TENM3: variants seen among roughly 807,000 people sequenced by gnomAD.
TENM3 encodes teneurin transmembrane protein 3, also known as teneurin-3.
TENM3 carries 63 observed loss-of-function variants against 255.1 expected under a neutral mutation model. The observed-to-expected ratio is 0.25, with a 90% confidence interval of 0.20 to 0.30. The LOEUF (loss-of-function observed/expected upper bound fraction) is 0.30, where lower values mean the gene tolerates loss of function less well. Ranked by LOEUF, TENM3 falls within the 10% of genes least tolerant of loss-of-function variation. The probability of loss-of-function intolerance (pLI) is 1.00; values close to 1 mark genes in which losing one functional copy is unlikely to be tolerated. For synonymous variants in TENM3, 1,306 were observed against 1,322.3 expected, an observed-to-expected ratio of 0.99 and a Z score of 0.27; for missense variants, 2,929 against 3,461.1, an observed-to-expected ratio of 0.85 and a Z score of 3.86.
intron 1 of TENM3, among the ~76,000 whole-genome samples, chr4:182,176,880 G>C (rs1752527327): frequency 7.8e-6 from 1 of 128,770 alleles, no homozygotes; most frequent in South Asian, 2.5e-4. Flanking sequence ...TCACCATGTT[G>C]GCCAGGCTGG....
chr4:182,781,451 C>T (rs1281170408), intron 24 of TENM3, among the ~76,000 whole-genome samples: 37 of 150,112 alleles, frequency 2.5e-4, no homozygotes, highest in Admixed American at 2.7e-4. Context: ...CTGCTGGATT[C>T]GGTTTGCCAG....
chr4:181,460,573 C>T, the TENM3 span, among the ~76,000 whole-genome samples: 7 of 143,890 alleles, frequency 4.9e-5, no homozygotes, highest in African/African-American at 1.8e-4. Flanking sequence ...GCCATTTGCC[C>T]AGATATTTTT....
the TENM3 span, among the ~76,000 whole-genome samples, chr4:181,486,027 A>AC: frequency 6.6e-6 from 1 of 151,840 alleles, no homozygotes; most frequent in African/African-American, 2.4e-5. Context: ...GAAAAAAAAA[A>AC]CCTGCAATAT....
the TENM3 span, among the ~76,000 whole-genome samples, chr4:181,566,555 T>C: frequency 2.6e-5 from 4 of 152,130 alleles, no homozygotes; most frequent in African/African-American, 9.7e-5. Flanking sequence ...CAGAGGGGCA[T>C]CAAAGTGCTG....
the TENM3 span, among the ~76,000 whole-genome samples, chr4:181,934,159 C>T: frequency 6.6e-6 from 1 of 151,806 alleles, no homozygotes; most frequent in South Asian, 2.1e-4. Context: ...GTTTAATGGA[C>T]CTGATAGAGG....
At chr4:182,181,878 T>C (rs1752859949) in intron 1 of TENM3, among the ~76,000 whole-genome samples, 1 of 151,298 alleles carries the variant, frequency 6.6e-6, no homozygotes, top group Admixed American at 6.7e-5. Context: ...CCACTGTTTC[T>C]GGCTAATGTC....
chr4:181,991,188 A>T, the TENM3 span, among the ~76,000 whole-genome samples: 5 of 152,312 alleles, frequency 3.3e-5, no homozygotes, highest in African/African-American at 1.2e-4. Flanking sequence ...ACTTAGGAAG[A>T]AAAAATGCTC....
At chr4:181,613,330 CT>C in the TENM3 span, among the ~76,000 whole-genome samples, 4 of 152,336 alleles carry the variant, frequency 2.6e-5, no homozygotes, top group African/African-American at 9.6e-5. Flanking sequence ...TAAACCCACA[CT>C]AGCAAAGCCC....
chr4:181,744,364 A>G, the TENM3 span, among the ~76,000 whole-genome samples: 2 of 152,316 alleles, frequency 1.3e-5, no homozygotes, highest in Non-Finnish European at 2.9e-5. Flanking sequence ...TTGCTTGGTC[A>G]AATTATATCT....
At chr4:182,786,929 C>T (rs1480187783) in intron 24 of TENM3, among the ~76,000 whole-genome samples, 1 of 152,158 alleles carries the variant, frequency 6.6e-6, no homozygotes, top group Non-Finnish European at 1.5e-5. Flanking sequence ...CTAAGAAAAC[C>T]ATTTAAATTG....
At chr4:182,121,374 A>G in the TENM3 span, among the ~76,000 whole-genome samples, 1 of 151,676 alleles carries the variant, frequency 6.6e-6, no homozygotes, top group Non-Finnish European at 1.5e-5. Context: ...GTGTAGATAT[A>G]ATGAGAGTAG....
chr4:182,237,306 A>G lies in TENM3; in HGVS notation c.-75-86640A>G, dbSNP rs577866485. ...TTGCTATTGTGAATAGTGCTGCAGT[A>G]AACATACATATGCATGTATCTTTAT... On this transcript the variant is annotated intron_variant, in intron 1 of 2. Coordinates refer to the TENM3 transcript ENST00000512480. Among the ~76,000 whole-genome samples, 4 of 152,300 alleles carry G rather than the reference A, an allele frequency of 2.6e-5. No homozygotes were observed. In the East Asian group the frequency reaches 7.7e-4, roughly 29 times the overall value.
the TENM3 span, among the ~76,000 whole-genome samples, chr4:181,478,336 T>A: frequency 1.3e-5 from 2 of 152,238 alleles, no homozygotes; most frequent in African/African-American, 4.8e-5. Context: ...CATACATTAG[T>A]ATAGTCTTTC....
chr4:181,605,584 G>GAAAGAAAGAAAGAAAGATAGAAAGAAA, the TENM3 span, among the ~76,000 whole-genome samples: 3 of 69,142 alleles, frequency 4.3e-5, 1 homozygote, highest in Non-Finnish European at 9.0e-5. Flanking sequence ...GAGAAAGAAA[G>GAAAGAAAGAAAGAAAGATAGAAAGAAA]GAAAGAAAGA....
the TENM3 span, among the ~76,000 whole-genome samples, chr4:182,081,460 T>C: frequency 6.6e-5 from 10 of 151,856 alleles, no homozygotes; most frequent in African/African-American, 2.4e-4. Context: ...GGCACGTGCC[T>C]GTAGTCCCAG....
chr4:182,706,016 GGGT>G, intron 12 of TENM3, among the ~76,000 whole-genome samples: 1 of 152,138 alleles, frequency 6.6e-6, no homozygotes, highest in African/African-American at 2.4e-5. Flanking sequence ...AAATTCATTC[GGGT>G]TTTAAGCTTA....
chr4:181,658,301 G>T, the TENM3 span, among the ~76,000 whole-genome samples: 1 of 152,156 alleles, frequency 6.6e-6, no homozygotes, highest in African/African-American at 2.4e-5. Flanking sequence ...ATGTTGAAAA[G>T]CATTTCGGGA....
the TENM3 span, among the ~76,000 whole-genome samples, chr4:182,072,094 C>T: frequency 6.6e-6 from 1 of 152,226 alleles, no homozygotes; most frequent in Admixed American, 6.5e-5. Context: ...GAAGCCATTT[C>T]TGGCTGCCCA....
the TENM3 span, among the ~76,000 whole-genome samples, chr4:181,676,989 CTTT>C: frequency 7.3e-6 from 1 of 137,692 alleles, no homozygotes; most frequent in Non-Finnish European, 1.5e-5. Flanking sequence ...CCGATTTTAT[CTTT>C]TTTTTTTTTT....
Sources: gnomAD v4.1 joint callset for allele counts (sites outside exome capture counted in the v4.1 genomes callset) on GRCh38, gnomAD v4.1.1 for gene constraint, MANE v1.5 for transcripts, NCBI Gene and HGNC (gene_info 2026-07-23, HGNC 2026-07-21) for gene names.